NALCN: variants seen among roughly 807,000 people sequenced by gnomAD.
NALCN encodes the protein sodium leak channel, non-selective.
A neutral mutation model predicts 225.3 loss-of-function variants in NALCN; 111 were observed. The ratio of observed to expected loss-of-function variants is 0.49; its 90% CI spans 0.42 to 0.58. The LOEUF (loss-of-function observed/expected upper bound fraction) is 0.58, where lower values mean the gene tolerates loss of function less well. NALCN is among the 20% of genes least tolerant of loss of function. The pLI, the probability that NALCN is intolerant of heterozygous loss-of-function variation, is 0.00. For synonymous variants in NALCN, 764 were observed against 769.0 expected, an observed-to-expected ratio of 0.99 and a Z score of 0.11; for missense variants, 1,378 against 2,202.4, an observed-to-expected ratio of 0.63 and a Z score of 7.49.
rs190942683 is a variant in NALCN, at chr13:101,297,660, C to A, written c.800-5294G>T. 2.6e-5 allele frequency among the ~76,000 whole-genome samples: 4 copies of A among 152,280 alleles called. No individual in the cohort carries two copies. In the East Asian group the frequency reaches 7.7e-4, roughly 29 times the overall value. On this transcript the variant is annotated intron_variant, in intron 7 of 43. Transcript: ENST00000251127. ...GGAGTCTGCAGAATTAGTCCTTGCA[C>A]CCCCTTTGCGTGAATCATCCTTTGT...
intron 30 of NALCN, among the ~76,000 whole-genome samples, chr13:101,088,910 C>CT (rs11303597): frequency 3.1e-4 from 45 of 143,002 alleles, no homozygotes; most frequent in East Asian, 2.6e-3. Flanking sequence ...TCTTTTTTTT[C>CT]TTTTTTTTTT....
Position 101,258,470 on chromosome 13 carries a change from C to G in NALCN, c.1239G>C (p.Arg413Ser). ...CCGCCAGGTAGAACTCGTCGTACTG[C>G]CTCCTGAAGTTTTCTCCTTTGTAGT... ...SNYYKGENFR[R>S]QYDEFYLAEV... Residue 413 changes from arginine to serine, a missense_variant, in exon 11 of 44, where the codon AGG (arginine) becomes AGC (serine). Transcript: ENST00000251127. 1 of 1,614,162 alleles carries G rather than the reference C, an allele frequency of 6.2e-7. No individual in the cohort carries two copies. The highest frequency in any genetic ancestry group is 1.3e-5 in the African/African-American group (1 of 75,050).
intron 18 of NALCN, among the ~76,000 whole-genome samples, chr13:101,121,912 G>A (rs1417317822): frequency 6.6e-6 from 1 of 151,446 alleles, no homozygotes; most frequent in Admixed American, 6.6e-5. Flanking sequence ...TTTGTGGAAG[G>A]TTATTCGAAT....
At chr13:101,085,293 C>T (rs1014149087) in intron 30 of NALCN, among the ~76,000 whole-genome samples, 1 of 151,794 alleles carries the variant, frequency 6.6e-6, no homozygotes, top group Non-Finnish European at 1.5e-5. Flanking sequence ...TAAATATAAT[C>T]GAGTTTATAA....
At chr13:101,120,430 C>G (rs2139682818) in intron 18 of NALCN, among the ~76,000 whole-genome samples, 1 of 151,758 alleles carries the variant, frequency 6.6e-6, no homozygotes, top group South Asian at 2.1e-4. Context: ...CAGTAGGTCA[C>G]TCAACTGGTC....
At chr13:101,317,031 G>T (rs1458762036) in intron 7 of NALCN, among the ~76,000 whole-genome samples, 1 of 151,982 alleles carries the variant, frequency 6.6e-6, no homozygotes, top group Non-Finnish European at 1.5e-5. Context: ...TTATTGAAAT[G>T]CACAGTGTTC....
intron 17 of NALCN, among the ~76,000 whole-genome samples, chr13:101,132,700 A>G (rs2036577224): frequency 6.6e-6 from 1 of 152,136 alleles, no homozygotes; most frequent in African/African-American, 2.4e-5. Flanking sequence ...TAAATTGCAA[A>G]ATTATTACTA....
At chr13:101,378,098 G>A (rs17486988) in intron 4 of NALCN, among the ~76,000 whole-genome samples, 32,591 of 151,754 alleles carry the variant, frequency 0.21, 3,641 homozygotes, top group Non-Finnish European at 0.24. Context: ...CAGAAATATT[G>A]CTCCACATTG....
chr13:101,097,164 AT>A (rs1456409519), intron 27 of NALCN, among the ~76,000 whole-genome samples: 1 of 152,234 alleles, frequency 6.6e-6, no homozygotes, highest in Non-Finnish European at 1.5e-5. Context: ...TTTAATGCAA[AT>A]AACACATCTT....
chr13:101,109,317 A>G (rs1192183806), intron 20 of NALCN, among the ~76,000 whole-genome samples: 1 of 152,188 alleles, frequency 6.6e-6, no homozygotes, highest in Non-Finnish European at 1.5e-5. Context: ...TGGTAAACAG[A>G]GCTCTGTGCC....
intron 14 of NALCN, among the ~76,000 whole-genome samples, chr13:101,189,700 G>A: frequency 6.6e-6 from 1 of 152,136 alleles, no homozygotes; most frequent in East Asian, 1.9e-4. Flanking sequence ...GTAGACTTCT[G>A]AATTCTCAAT....
At chr13:101,197,190 T>A (rs924512535) in intron 13 of NALCN, among the ~76,000 whole-genome samples, 1 of 152,186 alleles carries the variant, frequency 6.6e-6, no homozygotes, top group East Asian at 1.9e-4. Context: ...AATTTGAGTA[T>A]ACGGTTTCGT....
chr13:101,207,959 C>T (rs1323136826), intron 13 of NALCN, among the ~76,000 whole-genome samples: 1 of 152,142 alleles, frequency 6.6e-6, no homozygotes, highest in African/African-American at 2.4e-5. Flanking sequence ...GACCACGAAC[C>T]CACCGGAAGG....
intron 10 of NALCN, among the ~76,000 whole-genome samples, chr13:101,281,971 C>G (rs2043182680): frequency 1.3e-5 from 2 of 152,146 alleles, no homozygotes; most frequent in Non-Finnish European, 2.9e-5. Flanking sequence ...CACCTCATAT[C>G]TGTTACAATG....
chr13:101,383,515 C>T (rs529815973), intron 3 of NALCN, among the ~76,000 whole-genome samples: 18 of 152,138 alleles, frequency 1.2e-4, no homozygotes, highest in African/African-American at 4.3e-4. Flanking sequence ...TTTGCAGCAC[C>T]CAGTACAGTG....
chr13:101,167,848 AAAAC>A (rs367677406), intron 15 of NALCN, among the ~76,000 whole-genome samples: 34,590 of 149,174 alleles, frequency 0.23, 4,851 homozygotes, highest in Non-Finnish European at 0.32. Flanking sequence ...AAAAAAAACA[AAAAC>A]AAAAACTGTT....
chr13:101,202,813 TAAAGAGATCACCTTTCTAG>T (rs1476361855), intron 13 of NALCN, among the ~76,000 whole-genome samples: 1 of 152,208 alleles, frequency 6.6e-6, no homozygotes, highest in Non-Finnish European at 1.5e-5. Context: ...GCTCTCACTC[TAAAGAGATCACCTTTCTAG>T]AAGGAATGGC....
intron 17 of NALCN, among the ~76,000 whole-genome samples, chr13:101,127,930 A>G (rs1197162011): frequency 1.3e-5 from 2 of 152,216 alleles, no homozygotes; most frequent in African/African-American, 2.4e-5. Flanking sequence ...TCAGAGCTAC[A>G]CTGCTCTGCA....
intron 17 of NALCN, among the ~76,000 whole-genome samples, chr13:101,142,138 C>CTT (rs33925974): frequency 0.015 from 1,486 of 97,038 alleles, 78 homozygotes; most frequent in South Asian, 0.042. Context: ...CATTCTATGT[C>CTT]TTTTTTTTTT....
Sources: allele counts gnomAD v4.1 joint callset (sites outside exome capture counted in the v4.1 genomes callset), GRCh38; gene constraint gnomAD v4.1.1; transcripts MANE v1.5; gene names NCBI Gene and HGNC (gene_info 2026-07-23, HGNC 2026-07-21).